Variants in DOCK1 observed in about 807,000 individuals in gnomAD.
DOCK1 encodes the protein dedicator of cytokinesis 1, also known as dedicator of cytokinesis protein 1.
A neutral mutation model predicts 262.7 loss-of-function variants in DOCK1; 138 were observed. The ratio of observed to expected loss-of-function variants is 0.53; its 90% confidence interval spans 0.46 to 0.61. The LOEUF (loss-of-function observed/expected upper bound fraction) is 0.61, where lower values mean the gene tolerates loss of function less well. Among genes scored for constraint, DOCK1 ranks in the 20% least tolerant of loss-of-function variants. The pLI is 0.00. For missense variants in DOCK1, 1,908 were observed against 2,370.7 expected (o/e 0.80, Z 4.05); for synonymous variants, 866 against 867.4 (o/e 1.00, Z 0.03).
intron 1 of DOCK1, among the ~76,000 whole-genome samples, chr10:126,952,016 AT>A (rs1365266869): frequency 6.6e-6 from 1 of 151,816 alleles, no homozygotes; most frequent in Non-Finnish European, 1.5e-5. Flanking sequence ...GGCCCAGCTA[AT>A]TTTTGTATTC....
intron 25 of DOCK1, among the ~76,000 whole-genome samples, chr10:127,114,009 A>G (rs756060761): frequency 2.8e-4 from 42 of 152,296 alleles, no homozygotes; most frequent in Non-Finnish European, 4.4e-4. Flanking sequence ...TTTAAAATTA[A>G]CCATCACAGA....
chr10:127,247,871 A>T, intron 27 of DOCK1, 137 bp from the exon 28 acceptor site: 1 of 742,292 alleles, frequency 1.3e-6, no homozygotes, highest in South Asian at 1.8e-5. Flanking sequence ...AGAGAGGGGC[A>T]GCAGAACCCA....
chr10:127,226,712 C>T (rs2058655258), intron 27 of DOCK1, among the ~76,000 whole-genome samples: 1 of 152,102 alleles, frequency 6.6e-6, no homozygotes, highest in South Asian at 2.1e-4. Context: ...CTACTGCATT[C>T]CAGCCTCGGT....
intron 38 of DOCK1, among the ~76,000 whole-genome samples, chr10:127,400,063 C>T (rs553998219): frequency 6.6e-6 from 1 of 152,124 alleles, no homozygotes; most frequent in Admixed American, 6.5e-5. Flanking sequence ...TGGGCCACCT[C>T]CTACCCTCCC....
intron 29 of DOCK1, among the ~76,000 whole-genome samples, chr10:127,299,688 C>A (rs1248199348): frequency 1.3e-5 from 2 of 152,148 alleles, no homozygotes; most frequent in Non-Finnish European, 2.9e-5. Context: ...CTTGTGGTCA[C>A]TTGTCATGCC....
At chr10:127,219,647 C>G (rs943656723) in intron 27 of DOCK1, among the ~76,000 whole-genome samples, 1 of 152,172 alleles carries the variant, frequency 6.6e-6, no homozygotes, top group African/African-American at 2.4e-5. Context: ...TTTCTCCCTC[C>G]TCTCAGCACC....
At chr10:127,423,602 A>C (rs921176232) in intron 46 of DOCK1, among the ~76,000 whole-genome samples, 40 of 152,162 alleles carry the variant, frequency 2.6e-4, no homozygotes, top group African/African-American at 8.0e-4. Context: ...AGACAAATCC[A>C]TACAGTCTCA....
intron 27 of DOCK1, among the ~76,000 whole-genome samples, chr10:127,199,628 A>G (rs142515182): frequency 7.2e-5 from 11 of 152,342 alleles, no homozygotes; most frequent in African/African-American, 2.2e-4. Flanking sequence ...ATGAAGTCCA[A>G]GAATGCGACA....
chr10:127,276,066 C>A (rs1270315276), intron 29 of DOCK1, among the ~76,000 whole-genome samples: 1 of 152,352 alleles, frequency 6.6e-6, no homozygotes, highest in Non-Finnish European at 1.5e-5. Context: ...CATGCTAAAT[C>A]ATCCTCCTGT....
intron 27 of DOCK1, among the ~76,000 whole-genome samples, chr10:127,215,013 C>T (rs979703875): frequency 6.6e-6 from 1 of 152,176 alleles, no homozygotes; most frequent in African/African-American, 2.4e-5. Flanking sequence ...ATTTAATCAT[C>T]GTGTACAGTC....
At position 126,948,446 on chromosome 10, in the gene DOCK1, G is replaced by T. The variant is rs1412596930; in HGVS notation, c.47-22256G>T. On this transcript the variant is annotated intron_variant, in intron 1 of 51. Coordinates refer to ENST00000623213, the MANE Select transcript of DOCK1 (RefSeq NM_001290223.2). Reference sequence around the variant, plus strand: ...GGTGGTGGTGGTGGTAATACTGCTGGTGGTGATTGTGTTGGTAGTACTGAT... The same window carrying T: ...GGTGGTGGTGGTGGTAATACTGCTGTTGGTGATTGTGTTGGTAGTACTGAT... Among the ~76,000 whole-genome samples, 2 of 151,616 alleles carry T rather than the reference G, an allele frequency of 1.3e-5. 1 individual carries two copies. The highest frequency in any genetic ancestry group is 2.9e-5 in the Non-Finnish European group (2 of 67,924).
intron 33 of DOCK1, among the ~76,000 whole-genome samples, chr10:127,371,345 G>A (rs1363617857): frequency 6.6e-6 from 1 of 152,196 alleles, no homozygotes; most frequent in Non-Finnish European, 1.5e-5. Flanking sequence ...CAGCTGTGTT[G>A]TGATTTACTT....
intron 47 of DOCK1, among the ~76,000 whole-genome samples, chr10:127,429,323 C>T (rs1345074182): frequency 1.3e-5 from 2 of 152,064 alleles, no homozygotes. Flanking sequence ...CAACAGCAGG[C>T]TCTGCAAGCA....
At chr10:127,414,735 T>C (rs780751366) in intron 43 of DOCK1, among the ~76,000 whole-genome samples, 18 of 152,362 alleles carry the variant, frequency 1.2e-4, no homozygotes, top group Non-Finnish European at 2.4e-4. Flanking sequence ...TTAAATCCAG[T>C]CTCCCAAAGA....
chr10:127,336,111 C>T (rs1412938458), intron 29 of DOCK1, among the ~76,000 whole-genome samples: 1 of 152,038 alleles, frequency 6.6e-6, no homozygotes, highest in Non-Finnish European at 1.5e-5. Flanking sequence ...CCTCAGCCTC[C>T]CACACCACAC....
chr10:127,162,146 G>T (rs1408767536), intron 27 of DOCK1, among the ~76,000 whole-genome samples: 1 of 152,160 alleles, frequency 6.6e-6, no homozygotes, highest in Non-Finnish European at 1.5e-5. Context: ...ATGTCAGGTG[G>T]TAAAGCTGAT....
chr10:127,391,456 C>T (rs1191597915), intron 38 of DOCK1, among the ~76,000 whole-genome samples: 1 of 152,214 alleles, frequency 6.6e-6, no homozygotes, highest in Non-Finnish European at 1.5e-5. Flanking sequence ...TTTCCGATAC[C>T]TATTTTATTA....
rs754270991 is a variant in DOCK1 at position 127,033,162 on chromosome 10, ACT to A, written c.1912+847_1912+848del. On this transcript the variant is annotated intron_variant, in intron 18 of 51. Transcript: ENST00000623213. ...CTTTATGTCTTCCCCATTCTCAGCT[ACT>A]CTCTGAGATAATTACTAGTTATCTT... 1.0e-3 allele frequency among the ~76,000 whole-genome samples: 152 copies of A among 152,076 alleles called. 1 individual carries two copies. The highest frequency in any genetic ancestry group is 1.7e-3 in the Non-Finnish European group (115 of 67,964).
intron 27 of DOCK1, among the ~76,000 whole-genome samples, chr10:127,165,472 A>G (rs1468541602): frequency 6.6e-6 from 1 of 152,214 alleles, no homozygotes; most frequent in Non-Finnish European, 1.5e-5. Context: ...ATACTGATAG[A>G]AAAAACTTTA....
Sources: gnomAD v4.1 joint callset for allele counts (sites outside exome capture counted in the v4.1 genomes callset) on GRCh38, gnomAD v4.1.1 for gene constraint, MANE v1.5 for transcripts, NCBI Gene and HGNC (gene_info 2026-07-23, HGNC 2026-07-21) for gene names.